The following DDX10 variants were observed in gnomAD, a reference collection of about 807,000 sequenced individuals.
DDX10 encodes the protein probable ATP-dependent RNA helicase DDX10.
Under a neutral mutation model 104.3 loss-of-function variants are expected in DDX10, and 74 were observed. The observed-to-expected ratio is 0.71, with a 90% CI of 0.59 to 0.86. The LOEUF is 0.86. Among genes scored for constraint, DDX10 ranks in the 40% least tolerant of loss-of-function variants. DDX10 has a pLI of 0.00. For synonymous variants in DDX10, 351 were observed against 353.4 expected, an observed-to-expected ratio of 0.99 and a Z score of 0.08; for missense variants, 952 against 1,040.0, an observed-to-expected ratio of 0.92 and a Z score of 1.16.
chr11:108,847,551 C>G (rs139055308), intron 15 of DDX10, among the ~76,000 whole-genome samples: 1,565 of 152,194 alleles, frequency 0.01, 21 homozygotes, highest in African/African-American at 0.036. Flanking sequence ...CCATTTACTA[C>G]CAGCATGAAC....
chr11:108,766,131 G>C (rs2094356062), intron 13 of DDX10, among the ~76,000 whole-genome samples: 1 of 152,064 alleles, frequency 6.6e-6, no homozygotes, highest in South Asian at 2.1e-4. Context: ...CTTTGTTTTT[G>C]TTTTTGTATT....
At position 108,828,965 on chromosome 11, in the gene DDX10, A is replaced by G. The variant is rs138551380; in HGVS notation, c.1966-9481A>G. Among the ~76,000 whole-genome samples, 606 of 152,306 alleles carry G rather than the reference A, an allele frequency of 4.0e-3. 8 individuals are homozygous for G. The highest frequency in any genetic ancestry group is 0.014 in the African/African-American group (579 of 41,568). ...AGGCATGAGCCACTGTGCCTGGCCT[A>G]TCCACATTTCTTTATCCACTCATTG... On this transcript the variant is annotated intron_variant, in intron 13 of 17. Transcript: ENST00000322536.
rs544887417 is a variant in DDX10, at chr11:108,754,415, T to G, written c.1965+30953T>G. ...AGAATCTACTGCCATAATCGAGTTT[T>G]CAGGTGGAATGAGGTTAATCCATTG... On this transcript the variant is annotated intron_variant, in intron 13 of 17. Transcript: ENST00000322536. 1.4e-4 allele frequency among the ~76,000 whole-genome samples: 21 copies of G among 152,170 alleles called. No individual in the cohort carries two copies. The South Asian group carries it at 1.9e-3, about 14-fold the overall frequency.
chr11:108,898,517 C>G (rs1291872085), intron 16 of DDX10, among the ~76,000 whole-genome samples: 2 of 151,936 alleles, frequency 1.3e-5, no homozygotes, highest in East Asian at 1.9e-4. Flanking sequence ...ACAAATGACA[C>G]AGAAAGACAG....
At chr11:108,830,386 A>G in intron 13 of DDX10, among the ~76,000 whole-genome samples, 1 of 152,242 alleles carries the variant, frequency 6.6e-6, no homozygotes, top group East Asian at 1.9e-4. Context: ...TAGCAGTGCT[A>G]CTTTAATTTT....
chr11:108,929,627 G>T (rs369672223), intron 17 of DDX10: 1 of 152,244 alleles, frequency 6.6e-6, no homozygotes, highest in East Asian at 1.9e-4. Flanking sequence ...CATTAGAAAG[G>T]AGTGAGCCAG....
chr11:108,677,698 C>A (rs1424071832), intron 4 of DDX10, among the ~76,000 whole-genome samples: 3 of 148,452 alleles, frequency 2.0e-5, no homozygotes, highest in Non-Finnish European at 4.4e-5. Context: ...TATCTTATAG[C>A]ACATCTAGAA....
chr11:108,685,572 TC>T (rs1466216348), intron 6 of DDX10, among the ~76,000 whole-genome samples: 6 of 152,334 alleles, frequency 3.9e-5, no homozygotes, highest in African/African-American at 1.4e-4. Flanking sequence ...TATCTCCAGT[TC>T]TTATAAAATC....
chr11:108,858,718 T>A (rs920839528), intron 16 of DDX10, among the ~76,000 whole-genome samples: 3 of 152,190 alleles, frequency 2.0e-5, no homozygotes, highest in African/African-American at 7.2e-5. Flanking sequence ...TTTAATAAAT[T>A]CTTAAAGGAT....
chr11:108,693,815 T>A (rs1001037076), intron 9 of DDX10, among the ~76,000 whole-genome samples: 2 of 152,240 alleles, frequency 1.3e-5, no homozygotes, highest in African/African-American at 4.8e-5. Flanking sequence ...GTTTAAACTT[T>A]CTTGTACTTT....
intron 13 of DDX10, among the ~76,000 whole-genome samples, chr11:108,814,390 C>G (rs989289297): frequency 2.0e-5 from 3 of 151,884 alleles, no homozygotes; most frequent in Non-Finnish European, 4.4e-5. Flanking sequence ...GCTTTAGGTC[C>G]TAAATCAAAT....
At chr11:108,884,891 C>A (rs888985300) in intron 16 of DDX10, among the ~76,000 whole-genome samples, 1 of 152,178 alleles carries the variant, frequency 6.6e-6, no homozygotes, top group Non-Finnish European at 1.5e-5. Flanking sequence ...AACTTCTACA[C>A]ACGAATGTTT....
intron 10 of DDX10, among the ~76,000 whole-genome samples, chr11:108,709,170 C>A (rs1465173326): frequency 1.3e-5 from 2 of 152,116 alleles, no homozygotes; most frequent in Non-Finnish European, 2.9e-5. Flanking sequence ...TTTTCCTGAT[C>A]TTAGCGGGAG....
intron 17 of DDX10, among the ~76,000 whole-genome samples, chr11:108,930,266 AG>A (rs1463109232): frequency 2.0e-5 from 3 of 152,208 alleles, no homozygotes; most frequent in Admixed American, 1.3e-4. Context: ...CAGCCTTTTC[AG>A]ATTGGCTTCT....
chr11:108,672,277 C>T (rs988211011), intron 1 of DDX10, among the ~76,000 whole-genome samples: 1 of 152,088 alleles, frequency 6.6e-6, no homozygotes, highest in African/African-American at 2.4e-5. Flanking sequence ...GTGTTGGCAG[C>T]CTGCCTCCTT....
chr11:108,745,054 TTCCCC>T lies in DDX10; in HGVS notation c.1965+21593_1965+21597del, dbSNP rs1332068425. On this transcript the variant is annotated intron_variant, in intron 13 of 17. Transcript: ENST00000322536. The stretch of plus-strand genomic sequence containing the variant: ...TTACTTTTTCCTTCCCCCTTCCCCC[TTCCCC>T]CTTCCCCCTTCCCCCTTCCCTTCCT... Among the ~76,000 whole-genome samples the T allele has an allele frequency of 2.6e-4, 9 of 34,652 alleles. No homozygotes were observed. The East Asian group carries it at 8.4e-3, about 32-fold the overall frequency. The allele number at this position is 34,652 out of a possible 152,430, so 22.7% of individuals were successfully genotyped here. A position where few individuals can be genotyped will look rare whatever the true frequency, so the allele number is the denominator to read the frequency against.
chr11:108,801,567 G>T (rs1434596981), intron 13 of DDX10, among the ~76,000 whole-genome samples: 1 of 152,074 alleles, frequency 6.6e-6, no homozygotes, highest in Non-Finnish European at 1.5e-5. Flanking sequence ...ACCTCTTACA[G>T]CCCCCAATTC....
At position 108,852,176 on chromosome 11, in the gene DDX10, A is replaced by C. The variant is rs142279381; in HGVS notation, c.2271A>C (p.Glu757Asp). The change falls in exon 16 of 18, where the codon GAA (glutamate) becomes GAC (aspartate). Residue 757 changes from glutamate to aspartate, a missense_variant. Transcript: ENST00000322536. ...KHREKRLKER[E>D]ARREANKRQA... Reference sequence around the variant, plus strand: ...AGGAGAAAAGACTGAAAGAAAGGGAAGCCAGAAGAGAAGCCAACAAGAGAC... The same window carrying C: ...AGGAGAAAAGACTGAAAGAAAGGGACGCCAGAAGAGAAGCCAACAAGAGAC... 95 of 1,611,274 alleles carry C rather than the reference A, an allele frequency of 5.9e-5. No individual in the cohort carries two copies. The African/African-American group carries it at 9.9e-4, about 17-fold the overall frequency.
intron 16 of DDX10, among the ~76,000 whole-genome samples, chr11:108,916,829 A>G (rs1446772289): frequency 1.3e-5 from 2 of 152,194 alleles, no homozygotes; most frequent in African/African-American, 2.4e-5. Flanking sequence ...ATTTTGCATT[A>G]GTTTGTTTTT....
Sources: allele counts gnomAD v4.1 joint callset (sites outside exome capture counted in the v4.1 genomes callset), GRCh38; gene constraint gnomAD v4.1.1; transcripts MANE v1.5; gene names NCBI Gene and HGNC (gene_info 2026-07-23, HGNC 2026-07-21).